Variants in WWOX observed in about 807,000 individuals in gnomAD.
WWOX encodes WW domain containing oxidoreductase, also known as WW domain-containing oxidoreductase.
Under a neutral mutation model 46.2 loss-of-function variants are expected in WWOX, and 69 were observed. The observed-to-expected ratio is 1.49, with a 90% CI of 1.23 to 1.82. The LOEUF (loss-of-function observed/expected upper bound fraction) is 1.82. Ranked by LOEUF, WWOX falls within the 40% of genes most tolerant of loss-of-function variation. The pLI, the probability that WWOX is intolerant of heterozygous loss-of-function variation, is 0.00. For missense variants in WWOX, 919 were observed against 542.6 expected (o/e 1.69, Z -6.89); for synonymous variants, 359 against 202.6 (o/e 1.77, Z -6.56).
At chr16:78,918,693 T>C (rs2045308133) in intron 8 of WWOX, among the ~76,000 whole-genome samples, 1 of 152,200 alleles carries the variant, frequency 6.6e-6, no homozygotes, top group African/African-American at 2.4e-5. Context: ...GCATCCATTA[T>C]CTTATTCTAG....
intron 8 of WWOX, among the ~76,000 whole-genome samples, chr16:78,538,287 T>C (rs1429618739): frequency 6.7e-6 from 1 of 150,320 alleles, no homozygotes; most frequent in African/African-American, 2.4e-5. Context: ...CACATTATTT[T>C]GGATGTCTGG....
chr16:78,367,790 C>T (rs112591697), intron 5 of WWOX, among the ~76,000 whole-genome samples: 8,064 of 151,868 alleles, frequency 0.053, 279 homozygotes, highest in East Asian at 0.12. Flanking sequence ...TGGAGTCTCG[C>T]TCTGTCACCA....
At position 78,350,080 on chromosome 16, in the gene WWOX, T is replaced by C. The variant is rs2081159031; in HGVS notation, c.517-36780T>C. Among the ~76,000 whole-genome samples the C allele has an allele frequency of 1.7e-5, 2 of 121,178 alleles. 1 individual carries two copies. Among genetic ancestry groups the C allele is most frequent in the Admixed American group, 1.6e-4 (2 of 12,422 alleles). The allele number at this position is 121,178 out of a possible 152,430, so 79.5% of individuals were successfully genotyped here. On this transcript the variant is annotated intron_variant, in intron 5 of 8. Coordinates refer to ENST00000566780, the MANE Select transcript of WWOX (RefSeq NM_016373.4). ...ATGATAAATGGCAAACATTTGACCA[T>C]GTCACTTAAGTTTCTTACCGTGATC...
chr16:79,177,842 T>G (rs1055355297), intron 8 of WWOX, among the ~76,000 whole-genome samples: 1 of 152,222 alleles, frequency 6.6e-6, no homozygotes, highest in African/African-American at 2.4e-5. Context: ...CCTTACTTTG[T>G]TCAGGCTGCT....
At chr16:78,294,649 CTATT>C in intron 5 of WWOX, among the ~76,000 whole-genome samples, 1 of 136,004 alleles carries the variant, frequency 7.4e-6, no homozygotes, top group Non-Finnish European at 1.6e-5. Flanking sequence ...ATACAGCTAT[CTATT>C]GCAAATCTTA....
At chr16:78,417,769 C>G (rs552572843) in intron 6 of WWOX, among the ~76,000 whole-genome samples, 4 of 152,264 alleles carry the variant, frequency 2.6e-5, no homozygotes, top group East Asian at 3.9e-4. Context: ...TTCTGCCTAT[C>G]TCTTCACAGA....
intron 8 of WWOX, among the ~76,000 whole-genome samples, chr16:79,012,676 A>C (rs2047335233): frequency 6.6e-6 from 1 of 152,238 alleles, no homozygotes; most frequent in African/African-American, 2.4e-5. Context: ...ATATCCAGGC[A>C]GAATGAATAG....
intron 8 of WWOX, among the ~76,000 whole-genome samples, chr16:78,592,653 A>G (rs566724620): frequency 6.6e-6 from 1 of 152,320 alleles, no homozygotes; most frequent in South Asian, 2.1e-4. Flanking sequence ...GGCCTGGATC[A>G]GAGCCTAGGT....
intron 5 of WWOX, among the ~76,000 whole-genome samples, chr16:78,205,665 C>A (rs566410203): frequency 6.6e-6 from 1 of 151,996 alleles, no homozygotes; most frequent in Non-Finnish European, 1.5e-5. Context: ...ACTCATCTAC[C>A]CTTTCATACA....
intron 8 of WWOX, among the ~76,000 whole-genome samples, chr16:79,024,961 G>A (rs117642506): frequency 1.3e-5 from 2 of 152,292 alleles, no homozygotes; most frequent in East Asian, 3.9e-4. Context: ...AGTGATGTGA[G>A]GCCTACACAA....
intron 8 of WWOX, chr16:78,496,247 C>T (rs376142776): frequency 7.9e-5 from 12 of 152,164 alleles, no homozygotes; most frequent in African/African-American, 2.7e-4. Flanking sequence ...GTGTTCCCTC[C>T]TCCCGTTCAT....
intron 8 of WWOX, among the ~76,000 whole-genome samples, chr16:78,833,897 C>G (rs2051901996): frequency 6.6e-6 from 1 of 152,262 alleles, no homozygotes; most frequent in African/African-American, 2.4e-5. Context: ...GGCACTTTGT[C>G]TCCCAGTGGA....
chr16:78,447,066 C>G (rs765312529), intron 8 of WWOX, among the ~76,000 whole-genome samples: 5 of 152,134 alleles, frequency 3.3e-5, no homozygotes, highest in Non-Finnish European at 5.9e-5. Context: ...TCTGTCCTGT[C>G]CAGTGCCTTT....
At chr16:78,799,105 A>T (rs1431669081) in intron 8 of WWOX, among the ~76,000 whole-genome samples, 2 of 152,104 alleles carry the variant, frequency 1.3e-5, no homozygotes, top group African/African-American at 2.4e-5. Flanking sequence ...AATTGTGTAG[A>T]TTACCTCCAC....
intron 8 of WWOX, among the ~76,000 whole-genome samples, chr16:78,671,550 C>T (rs1014231963): frequency 3.3e-5 from 5 of 152,150 alleles, no homozygotes; most frequent in East Asian, 3.9e-4. Flanking sequence ...CCTGCCCCTT[C>T]TAGTTTTTAT....
At chr16:78,310,091 C>T (rs965969269) in intron 5 of WWOX, among the ~76,000 whole-genome samples, 2 of 151,546 alleles carry the variant, frequency 1.3e-5, no homozygotes, top group Non-Finnish European at 2.9e-5. Context: ...CCTTTTCTTT[C>T]TATCATCATC....
At chr16:78,945,498 A>G (rs1042400269) in intron 8 of WWOX, among the ~76,000 whole-genome samples, 3 of 152,282 alleles carry the variant, frequency 2.0e-5, no homozygotes, top group South Asian at 2.1e-4. Flanking sequence ...GTTTTGACCA[A>G]TTTTTGTAAA....
intron 8 of WWOX, among the ~76,000 whole-genome samples, chr16:78,458,360 A>G (rs1017725674): frequency 6.6e-6 from 1 of 151,644 alleles, no homozygotes; most frequent in African/African-American, 2.4e-5. Flanking sequence ...TCCCAGGCTC[A>G]AGCAATCCTC....
intron 8 of WWOX, among the ~76,000 whole-genome samples, chr16:78,729,353 GTAAAAA>G (rs959251028): frequency 1.3e-5 from 2 of 149,788 alleles, no homozygotes; most frequent in African/African-American, 2.5e-5. Context: ...AAAAAAAAAA[GTAAAAA>G]TAAAAATAAA....
Sources: gnomAD v4.1 joint callset for allele counts (sites outside exome capture counted in the v4.1 genomes callset) on GRCh38, gnomAD v4.1.1 for gene constraint, MANE v1.5 for transcripts, NCBI Gene and HGNC (gene_info 2026-07-23, HGNC 2026-07-21) for gene names.